Variants in SNTG2 observed in about 807,000 individuals in gnomAD.
SNTG2 encodes the protein gamma-2-syntrophin.
In SNTG2, 74 loss-of-function variants were observed where a neutral mutation model predicts 70.9. The observed-to-expected ratio is 1.04, with a 90% CI of 0.86 to 1.27. The LOEUF (loss-of-function observed/expected upper bound fraction) is 1.27. Among genes scored for constraint, SNTG2 ranks in the 50% most tolerant of loss-of-function variants. The pLI, the probability that SNTG2 is intolerant of heterozygous loss-of-function variation, is 0.00. For missense variants in SNTG2, 717 were observed against 690.7 expected, an observed-to-expected ratio of 1.04 and a Z score of -0.43; for synonymous variants, 278 against 273.8, an observed-to-expected ratio of 1.02 and a Z score of -0.15.
At chr2:1,316,240 G>A (rs1040009731) in intron 15 of SNTG2, 25 bp from the exon 16 acceptor site, 8 of 1,165,412 alleles carry the variant, frequency 6.9e-6, no homozygotes, top group African/African-American at 6.2e-5. Flanking sequence ...TTTAGAAATC[G>A]CTAATTAATT....
chr2:1,208,985 T>G, intron 8 of SNTG2, 118 bp from the exon 9 acceptor site: 1 of 1,257,110 alleles, frequency 8.0e-7, no homozygotes, highest in African/African-American at 1.6e-5. Context: ...TCACTTGCTT[T>G]TTTATCAGTT....
At chr2:1,300,249 C>G (rs149456694) in intron 14 of SNTG2, among the ~76,000 whole-genome samples, 3 of 151,814 alleles carry the variant, frequency 2.0e-5, no homozygotes, top group African/African-American at 7.3e-5. Context: ...CTTTAAATGA[C>G]GGCACTGTTA....
chr2:1,315,360 G>A (rs944929321), intron 15 of SNTG2, among the ~76,000 whole-genome samples: 1 of 152,078 alleles, frequency 6.6e-6, no homozygotes, highest in Admixed American at 6.6e-5. Flanking sequence ...GGATAGAAAT[G>A]TTCTTGAAAC....
At chr2:1,332,861 G>A (rs1216381782) in intron 16 of SNTG2, among the ~76,000 whole-genome samples, 1 of 152,110 alleles carries the variant, frequency 6.6e-6, no homozygotes, top group Non-Finnish European at 1.5e-5. Context: ...ACTGAATGGG[G>A]AAAAGTTGAA....
At chr2:1,095,663 T>G (rs545666584) in intron 2 of SNTG2, among the ~76,000 whole-genome samples, 47 of 152,302 alleles carry the variant, frequency 3.1e-4, no homozygotes, top group African/African-American at 1.1e-3. Flanking sequence ...AATGACAGTT[T>G]TAAAATGTCA....
chr2:1,070,370 G>A (rs954882879), intron 1 of SNTG2, among the ~76,000 whole-genome samples: 2 of 152,140 alleles, frequency 1.3e-5, no homozygotes, highest in African/African-American at 4.8e-5. Context: ...ACTTCTCGAA[G>A]CTTTTGTTCA....
chr2:1,142,463 C>T (rs2068694), intron 6 of SNTG2, among the ~76,000 whole-genome samples: 91,585 of 151,976 alleles, frequency 0.6, 28,058 homozygotes, highest in East Asian at 0.92. Flanking sequence ...CAGCAGAGTT[C>T]CTGGGATGGT....
intron 16 of SNTG2, among the ~76,000 whole-genome samples, chr2:1,324,100 A>AC (rs1306744034): frequency 2.0e-5 from 3 of 147,086 alleles, no homozygotes; most frequent in Middle Eastern, 4.0e-3. Context: ...CATGCCTGAG[A>AC]CCCCCCAGTA....
At chr2:1,364,127 T>C (rs73180211) in intron 16 of SNTG2, among the ~76,000 whole-genome samples, 108,877 of 150,830 alleles carry the variant, frequency 0.72, 39,566 homozygotes, top group East Asian at 0.94. Context: ...CCTGCCACCA[T>C]GCCCAGTTAA....
At chr2:1,026,045 G>A (rs75326625) in intron 1 of SNTG2, among the ~76,000 whole-genome samples, 3,402 of 152,282 alleles carry the variant, frequency 0.022, 115 homozygotes, top group African/African-American at 0.071. Context: ...CATGTTTATA[G>A]AAGTTAAAAT....
chr2:1,009,791 C>G (rs1029680779), intron 1 of SNTG2, among the ~76,000 whole-genome samples: 2 of 152,196 alleles, frequency 1.3e-5, no homozygotes, highest in Non-Finnish European at 2.9e-5. Context: ...TGAATTCTCT[C>G]CTCATTTTCC....
chr2:1,254,812 T>G (rs1677955918), intron 12 of SNTG2, among the ~76,000 whole-genome samples: 2 of 152,212 alleles, frequency 1.3e-5, no homozygotes, highest in African/African-American at 2.4e-5. Context: ...CTACCATCCG[T>G]TACGTCTCTT....
chr2:1,134,221 A>G (rs1051416208), intron 4 of SNTG2, among the ~76,000 whole-genome samples: 1 of 152,118 alleles, frequency 6.6e-6, no homozygotes, highest in African/African-American at 2.4e-5. Flanking sequence ...CAAAAAGCAA[A>G]AGAACAAAGC....
At chr2:1,182,029 G>T (rs1023679468) in intron 8 of SNTG2, among the ~76,000 whole-genome samples, 2 of 152,282 alleles carry the variant, frequency 1.3e-5, no homozygotes, top group Admixed American at 6.5e-5. Context: ...ATTCTGTCCT[G>T]ACTGGCTTGT....
chr2:1,174,181 G>A (rs1671318359), intron 8 of SNTG2, among the ~76,000 whole-genome samples: 1 of 152,054 alleles, frequency 6.6e-6, no homozygotes, highest in Non-Finnish European at 1.5e-5. Context: ...ATTGTCCCTA[G>A]CTTTCCATCT....
At chr2:1,210,441 A>G (rs1389041629) in intron 9 of SNTG2, 1 of 152,374 alleles carries the variant, frequency 6.6e-6, no homozygotes, top group Admixed American at 6.5e-5. Context: ...CACATATGCC[A>G]TGGTGGTCCC....
At chr2:1,129,262 G>A (rs1309393085) in intron 4 of SNTG2, among the ~76,000 whole-genome samples, 3 of 152,184 alleles carry the variant, frequency 2.0e-5, no homozygotes, top group East Asian at 1.9e-4. Flanking sequence ...CTTCTTTGAC[G>A]CTGTTTTAGA....
intron 1 of SNTG2, among the ~76,000 whole-genome samples, chr2:1,023,172 C>T (rs1001885430): frequency 4.6e-5 from 7 of 151,608 alleles, no homozygotes; most frequent in African/African-American, 1.5e-4. Flanking sequence ...TTTTCTGGCC[C>T]GTGTCTTGAG....
intron 1 of SNTG2, among the ~76,000 whole-genome samples, chr2:1,060,842 A>G (rs1429214389): frequency 1.3e-5 from 2 of 152,268 alleles, no homozygotes; most frequent in African/African-American, 4.8e-5. Flanking sequence ...CCAGTGGGTG[A>G]AGTCAGACCA....
Sources: gnomAD v4.1 joint callset for allele counts (sites outside exome capture counted in the v4.1 genomes callset) on GRCh38, gnomAD v4.1.1 for gene constraint, MANE v1.5 for transcripts, NCBI Gene and HGNC (gene_info 2026-07-23, HGNC 2026-07-21) for gene names.